The following TCF7L2 variants were observed in gnomAD, a reference collection of about 807,000 sequenced individuals.
TCF7L2 encodes the protein transcription factor 7 like 2, also known as transcription factor 7-like 2.
TCF7L2 carries 23 observed loss-of-function variants against 77.9 expected under a neutral mutation model. The ratio of observed to expected loss-of-function variants is 0.30; its 90% CI spans 0.21 to 0.42. The LOEUF (loss-of-function observed/expected upper bound fraction) is 0.42. Among genes scored for constraint, TCF7L2 ranks in the 10% least tolerant of loss-of-function variants. The pLI is 1.00. For synonymous variants in TCF7L2, 413 were observed against 340.2 expected, an observed-to-expected ratio of 1.21 and a Z score of -2.36; for missense variants, 654 against 793.1, an observed-to-expected ratio of 0.82 and a Z score of 2.11.
intron 4 of TCF7L2, among the ~76,000 whole-genome samples, chr10:112,979,280 G>GC (rs140496137): frequency 0.042 from 6,395 of 152,290 alleles, 416 homozygotes; most frequent in African/African-American, 0.15. Flanking sequence ...AGTGCTGGGT[G>GC]TAAGTGGAGG....
chr10:113,048,355 T>C (rs962550037), intron 5 of TCF7L2, among the ~76,000 whole-genome samples: 6 of 152,284 alleles, frequency 3.9e-5, no homozygotes, highest in South Asian at 2.1e-4. Context: ...TCCAACCAGA[T>C]TGTAAGTTTC....
chr10:113,155,310 A>G (rs2071628050), intron 11 of TCF7L2, among the ~76,000 whole-genome samples: 1 of 152,154 alleles, frequency 6.6e-6, no homozygotes, highest in African/African-American at 2.4e-5. Flanking sequence ...CACTGGGTAA[A>G]GGATAGAGGT....
rs760475416 is a variant in TCF7L2 at position 113,159,906 on chromosome 10, T to G, written c.1319-713T>G. 16 of 1,442,070 alleles carry G rather than the reference T, an allele frequency of 1.1e-5. No homozygotes were observed. The highest frequency in any genetic ancestry group is 1.5e-5 in the Non-Finnish European group (16 of 1,073,814). 89.3% of individuals were successfully genotyped at this position (1,442,070 alleles called of 1,614,324 possible). Reference sequence around the variant, plus strand: ...TTCTCCTCCTCTGCTCGCTTCTCTCTTGAACTCATTCAGACCTGAGCGCTC... The same window carrying G: ...TTCTCCTCCTCTGCTCGCTTCTCTCGTGAACTCATTCAGACCTGAGCGCTC... On this transcript the variant is annotated intron_variant, in intron 12 of 13. Coordinates refer to ENST00000627217, the MANE Select transcript of TCF7L2 (RefSeq NM_001146274.2).
At chr10:113,042,793 C>A (rs1487879066) in intron 5 of TCF7L2, among the ~76,000 whole-genome samples, 2 of 152,174 alleles carry the variant, frequency 1.3e-5, no homozygotes, top group Non-Finnish European at 2.9e-5. Context: ...ATGTGCCAAC[C>A]AAAACCAGCT....
chr10:112,994,920 C>T (rs1175171822), intron 4 of TCF7L2, among the ~76,000 whole-genome samples: 13 of 151,988 alleles, frequency 8.6e-5, no homozygotes, highest in Admixed American at 6.6e-5. Flanking sequence ...GCCAACATGG[C>T]GAAACCCCAT....
Position 113,128,417 on chromosome 10 carries a change from TA to T in TCF7L2, c.553-12764del, listed in dbSNP as rs574207199. Among the ~76,000 whole-genome samples the T allele has an allele frequency of 4.3e-3, 655 of 152,256 alleles. 4 individuals carry two copies. The highest frequency in any genetic ancestry group is 0.015 in the African/African-American group (623 of 41,516). On this transcript the variant is annotated intron_variant, in intron 5 of 13. Transcript: ENST00000627217. ...TTGTCCCGTGTCTTAACAGATTGTT[TA>T]AAGACCTACATCGTGAAAACAGTCT...
chr10:112,961,321 C>T (rs930064561), intron 3 of TCF7L2, among the ~76,000 whole-genome samples: 4 of 150,384 alleles, frequency 2.7e-5, no homozygotes, highest in Non-Finnish European at 4.4e-5. Flanking sequence ...CGTGCCCGGC[C>T]AGAACCTGGT....
chr10:113,012,063 A>G (rs971934812), intron 4 of TCF7L2, among the ~76,000 whole-genome samples: 1 of 152,140 alleles, frequency 6.6e-6, no homozygotes, highest in African/African-American at 2.4e-5. Flanking sequence ...CATTGAGTTT[A>G]GTCCTGTGAG....
chr10:113,014,763 G>A (rs2047056600), intron 4 of TCF7L2, among the ~76,000 whole-genome samples: 1 of 152,120 alleles, frequency 6.6e-6, no homozygotes, highest in South Asian at 2.1e-4. Context: ...TCCAGCCTGG[G>A]CGACAGAGCG....
intron 5 of TCF7L2, among the ~76,000 whole-genome samples, chr10:113,094,968 A>G (rs1008658719): frequency 6.6e-6 from 1 of 152,100 alleles, no homozygotes; most frequent in Non-Finnish European, 1.5e-5. Context: ...AAAAATACAA[A>G]AATTAGCTGG....
chr10:112,996,265 A>G (rs557269903), intron 4 of TCF7L2, among the ~76,000 whole-genome samples: 6 of 152,304 alleles, frequency 3.9e-5, no homozygotes, highest in African/African-American at 4.8e-5. Context: ...CCTCTCGGAT[A>G]TGGCGACCGA....
chr10:113,070,070 A>G (rs2057758171), intron 5 of TCF7L2, among the ~76,000 whole-genome samples: 1 of 151,918 alleles, frequency 6.6e-6, no homozygotes. Flanking sequence ...AGCCTGGCCA[A>G]CATGGTGAAA....
At chr10:113,017,364 G>T (rs146565513) in intron 4 of TCF7L2, among the ~76,000 whole-genome samples, 1 of 126,192 alleles carries the variant, frequency 7.9e-6, no homozygotes, top group Non-Finnish European at 1.6e-5. Flanking sequence ...TTTTACCCAC[G>T]AGGAAACAAA....
chr10:112,951,049 C>G, intron 1 of TCF7L2, 104 bp downstream of exon 1: 2 of 1,434,538 alleles, frequency 1.4e-6, no homozygotes, highest in South Asian at 2.6e-5. Context: ...CGGCGGGGCC[C>G]GGCGGGCGGC....
At chr10:112,967,106 A>G (rs1025729858) in intron 4 of TCF7L2, among the ~76,000 whole-genome samples, 1 of 152,208 alleles carries the variant, frequency 6.6e-6, no homozygotes, top group Non-Finnish European at 1.5e-5. Context: ...GACGAAATGA[A>G]ATTGTTCCCA....
chr10:113,007,584 C>T (rs1174056244), intron 4 of TCF7L2, among the ~76,000 whole-genome samples: 1 of 152,190 alleles, frequency 6.6e-6, no homozygotes, highest in Non-Finnish European at 1.5e-5. Context: ...GCAGCATCAC[C>T]GAGGCTGGAG....
chr10:112,996,290 C>G (rs1159746643), intron 4 of TCF7L2, among the ~76,000 whole-genome samples: 1 of 152,060 alleles, frequency 6.6e-6, no homozygotes, highest in Non-Finnish European at 1.5e-5. Flanking sequence ...ATATGGGGCC[C>G]TTGTCAAGGG....
intron 4 of TCF7L2, among the ~76,000 whole-genome samples, chr10:113,038,012 G>C (rs1459328226): frequency 6.6e-6 from 1 of 152,152 alleles, no homozygotes; most frequent in African/African-American, 2.4e-5. Flanking sequence ...TAGATTCCCA[G>C]AGCCCTCTGG....
At chr10:113,126,998 C>G in intron 5 of TCF7L2, 3 of 905,486 alleles carry the variant, frequency 3.3e-6, no homozygotes, top group Non-Finnish European at 4.0e-6. Flanking sequence ...TGCTCTCAGC[C>G]TTTGCCATGT....
Sources: gnomAD v4.1 joint callset for allele counts (sites outside exome capture counted in the v4.1 genomes callset) on GRCh38, gnomAD v4.1.1 for gene constraint, MANE v1.5 for transcripts, NCBI Gene and HGNC (gene_info 2026-07-23, HGNC 2026-07-21) for gene names.